Variants in LRP1 observed in about 807,000 individuals in gnomAD.
The protein encoded by LRP1 is prolow-density lipoprotein receptor-related protein 1.
In LRP1, 51 loss-of-function variants were observed where a neutral mutation model predicts 541.5. The ratio of observed to expected loss-of-function variants is 0.09; its 90% confidence interval spans 0.08 to 0.12. The LOEUF is 0.12. Among genes scored for constraint, LRP1 ranks in the 10% least tolerant of loss-of-function variants. The pLI, the probability that LRP1 is intolerant of heterozygous loss-of-function variation, is 1.00. For synonymous variants in LRP1, 2,219 were observed against 2,470.8 expected, an observed-to-expected ratio of 0.90 and a Z score of 3.02; for missense variants, 3,878 against 6,376.2, an observed-to-expected ratio of 0.61 and a Z score of 13.34.
intron 1 of LRP1, among the ~76,000 whole-genome samples, chr12:57,130,612 G>T (rs558629452): frequency 1.3e-5 from 2 of 151,986 alleles, no homozygotes; most frequent in East Asian, 3.9e-4. Flanking sequence ...CTTCTGGGAG[G>T]AATAGAAAAA....
Position 57,212,485 on chromosome 12 carries a change from C to T in LRP1, c.13565C>T (p.Ala4522Val). 2 of 1,614,066 alleles carry T rather than the reference C, an allele frequency of 1.2e-6. No individual in the cohort carries two copies. Among genetic ancestry groups the T allele is most frequent in the Non-Finnish European group, 1.7e-6 (2 of 1,179,984 alleles). Residue 4522 changes from alanine to valine, a missense_variant, in exon 89 of 89, where the codon GCC (alanine) becomes GTC (valine). Coordinates refer to ENST00000243077, the MANE Select transcript of LRP1 (RefSeq NM_002332.3). This position sits in a 1 kb window ranked among gnomAD's most constrained non-coding sequence, Gnocchi z 5.0. ...GGCCATGGCAGTCGCCACTCCCTGG[C>T]CAGCACGGACGAGAAGCGAGAACTC... ...MGGHGSRHSLASTDEKRELLG... is the reference protein window; with the variant it reads ...MGGHGSRHSLVSTDEKRELLG...
intron 6 of LRP1, among the ~76,000 whole-genome samples, chr12:57,151,573 C>T (rs1227935848): frequency 1.3e-5 from 2 of 152,368 alleles, no homozygotes; most frequent in Middle Eastern, 3.4e-3. Context: ...GGGGACGGCT[C>T]CCCTCAGGGT....
Position 57,211,189 on chromosome 12 carries a change from C to T in LRP1, c.12930C>T (p.Gly4310=). Residue 4310 remains glycine (G), a synonymous_variant, in exon 84 of 89, where the codon GGC becomes GGT. Transcript: ENST00000243077. This position sits in a 1 kb window ranked among gnomAD's most constrained non-coding sequence, Gnocchi z 4.3. ...CCCCAACCACAGGGCAGTGCTCTGG[C>T]TACTGTGAGAACTTTGGCACATGCC... ...GDRCQYRQCS[G]YCENFGTCQM... 6.2e-7 allele frequency: 1 copy of T among 1,614,210 alleles called. No homozygotes were observed.
rs370217673 is a variant in LRP1 at position 57,208,738 on chromosome 12, C to A, written c.12066C>A (p.Asn4022Lys). The A allele has an allele frequency of 6.2e-7, 1 of 1,613,694 alleles. No homozygotes were observed. Among genetic ancestry groups the A allele is most frequent in the African/African-American group, 1.3e-5 (1 of 74,916 alleles). ...CCATGTACTGGTCAGACTGGGGCAA[C>A]CACCCCAAGATTGAGACGGCAGCGA... ...RGTMYWSDWG[N>K]HPKIETAAMD... Residue 4022 changes from asparagine to lysine, a missense_variant, in exon 78 of 89, where the codon AAC (asparagine) becomes AAA (lysine). Physicochemically the swap from Asn to Lys is moderately conservative, Grantham distance 94. This residue lies in a region of LRP1 where 871 missense variants were observed against 1,212.4 expected (regional missense o/e 0.72). Coordinates refer to ENST00000243077, the MANE Select transcript of LRP1 (RefSeq NM_002332.3).
At chr12:57,166,721 T>G (rs970682511) in intron 17 of LRP1, among the ~76,000 whole-genome samples, 4 of 151,976 alleles carry the variant, frequency 2.6e-5, no homozygotes, top group Admixed American at 6.6e-5. Flanking sequence ...CAAGGCAGGG[T>G]AGATCTCCTC....
chr12:57,209,407 C>G (rs2036858635), intron 79 of LRP1, among the ~76,000 whole-genome samples: 1 of 152,222 alleles, frequency 6.6e-6, no homozygotes, highest in East Asian at 1.9e-4. Context: ...GCCTACTTGT[C>G]CATTCATTGG....
chr12:57,160,883 C>T lies in LRP1; in HGVS notation c.1980-10C>T. On this transcript the variant is annotated splice_polypyrimidine_tract_variant and intron_variant, in intron 12 of 88. Coordinates refer to ENST00000243077, the MANE Select transcript of LRP1 (RefSeq NM_002332.3). ...GTGCCCAGGTGATGCTGACCAGTCGCTGCCCACAGGTGGATGTACTGGACA... is the reference window on the plus strand; with the variant it reads ...GTGCCCAGGTGATGCTGACCAGTCGTTGCCCACAGGTGGATGTACTGGACA... 1.2e-6 allele frequency: 2 copies of T among 1,610,934 alleles called. No homozygotes were observed. Among genetic ancestry groups the T allele is most frequent in the Admixed American group, 1.7e-5 (1 of 59,962 alleles).
chr12:57,148,958 C>A, intron 6 of LRP1: 1 of 605,474 alleles, frequency 1.7e-6, no homozygotes, highest in Non-Finnish European at 3.0e-6. Context: ...CTCTCCCTTT[C>A]TTTTATTTAT....
chr12:57,177,670 G>A lies in LRP1; in HGVS notation c.4361+79G>A. On this transcript the variant is annotated intron_variant, in intron 26 of 88. Coordinates refer to ENST00000243077, the MANE Select transcript of LRP1 (RefSeq NM_002332.3). This position sits in a 1 kb window ranked among gnomAD's most constrained non-coding sequence, Gnocchi z 6.8. The stretch of plus-strand genomic sequence containing the variant: ...TGGGGAGGAACCTGTGGTGATGAGG[G>A]TGATGAGAAGGACCAAGGGATCTAG... 1 of 1,492,656 alleles carries A rather than the reference G, an allele frequency of 6.7e-7. No homozygotes were observed. The highest frequency in any genetic ancestry group is 9.2e-7 in the Non-Finnish European group (1 of 1,089,748). The allele number at this position is 1,492,656 out of a possible 1,614,324, so 92.5% of individuals were successfully genotyped here. A position where few individuals can be genotyped will look rare whatever the true frequency, so the allele number is the denominator to read the frequency against.
chr12:57,133,841 C>G (rs1434486406), intron 1 of LRP1, among the ~76,000 whole-genome samples: 1 of 152,062 alleles, frequency 6.6e-6, no homozygotes, highest in Non-Finnish European at 1.5e-5. Context: ...CCTCTAAGGT[C>G]TTAGCTCTCT....
In LRP1 at chr12:57,187,274, C is replaced by A. The variant is rs1180487707; in HGVS notation, c.6849C>A (p.Gly2283=). 1.2e-6 allele frequency: 2 copies of A among 1,612,606 alleles called. No homozygotes were observed. The highest frequency in any genetic ancestry group is 1.7e-6 in the Non-Finnish European group (2 of 1,179,150). ...SRRITIVENV[G]SVEGLAYHRG... is the part of the protein sequence containing the mutation. ...GCTCCTGTCTCTTCACAGACGTGGGCTCCGTGGAAGGCCTGGCCTATCACC... is the reference window on the plus strand; with the variant it reads ...GCTCCTGTCTCTTCACAGACGTGGGATCCGTGGAAGGCCTGGCCTATCACC... Residue 2283 remains glycine (G), a synonymous_variant, in exon 42 of 89, where the codon GGC becomes GGA. Coordinates refer to ENST00000243077, the MANE Select transcript of LRP1 (RefSeq NM_002332.3).
chr12:57,211,345 C>T lies in LRP1; in HGVS notation c.13086C>T (p.Thr4362=). Residue 4362 remains threonine, a synonymous_variant, in exon 84 of 89, where the codon ACC becomes ACT. Transcript: ENST00000243077. The surrounding 1 kb of genome is among the most constrained non-coding windows in gnomAD (Gnocchi z 4.3). ...TCAACAAGCAGAGTGGGGATGTCAC[C>T]TGCAAGTGAGTGGGGCCCTCCTCCA... ...CVVNKQSGDV[T]CNCTDGRVAP... is the part of the protein sequence containing the mutation. 6.2e-7 allele frequency: 1 copy of T among 1,613,860 alleles called. No individual in the cohort carries two copies. The highest frequency in any genetic ancestry group is 8.5e-7 in the Non-Finnish European group (1 of 1,179,990).
In LRP1 at chr12:57,129,046, G is replaced by C. The variant is rs754944427; in HGVS notation, c.67+15G>C. On this transcript the variant is annotated intron_variant, in intron 1 of 88. Coordinates refer to ENST00000243077, the MANE Select transcript of LRP1 (RefSeq NM_002332.3). ...GGCTATCGACGGTGAGTGAGATTCC[G>C]CGTCCCCCTTGGACCCCTGGGGGCA... The C allele has an allele frequency of 6.4e-7, 1 of 1,551,200 alleles. No individual in the cohort carries two copies. The highest frequency in any genetic ancestry group is 2.4e-5 in the East Asian group (1 of 40,888).
chr12:57,193,048 C>A, intron 45 of LRP1, 78 bp downstream of exon 45: 1 of 1,585,920 alleles, frequency 6.3e-7, no homozygotes. Context: ...CCTACATGCT[C>A]CAGCCCAGCC....
Position 57,156,245 on chromosome 12 carries a change from G to C in LRP1, c.1379G>C (p.Gly460Ala), listed in dbSNP as rs1448453173. 6.2e-7 allele frequency: 1 copy of C among 1,614,150 alleles called. No homozygotes were observed. Among genetic ancestry groups the C allele is most frequent in the Admixed American group, 1.7e-5 (1 of 60,028 alleles). Residue 460 changes from glycine (G) to alanine (A), a missense_variant, in exon 9 of 89, where the codon GGT (glycine) becomes GCT (alanine). By Grantham distance (60) the Gly-to-Ala change is moderately conservative (BLOSUM62 0). Coordinates refer to ENST00000243077, the MANE Select transcript of LRP1 (RefSeq NM_002332.3). This position sits in a 1 kb window ranked among gnomAD's most constrained non-coding sequence, Gnocchi z 5.2. ...GTTGTCACCCGGGTGGACAAGGGTGGTGCCCTCCACATCTACCACCAGAGG... is the reference window on the plus strand; with the variant it reads ...GTTGTCACCCGGGTGGACAAGGGTGCTGCCCTCCACATCTACCACCAGAGG... ...YQVVTRVDKG[G>A]ALHIYHQRRQ... is the part of the protein sequence containing the mutation.
intron 1 of LRP1, among the ~76,000 whole-genome samples, chr12:57,133,875 G>A (rs2035094301): frequency 6.6e-6 from 1 of 152,034 alleles, no homozygotes; most frequent in East Asian, 1.9e-4. Flanking sequence ...TCCCTCAAGG[G>A]GGTATCAAAG....
chr12:57,202,390 C>G (rs1460511189), intron 67 of LRP1, 31 bp from the exon 68 acceptor site: 2 of 1,523,080 alleles, frequency 1.3e-6, no homozygotes, highest in Non-Finnish European at 1.8e-6. Flanking sequence ...CCAGCCCTTT[C>G]CCTGACTGCC....
In LRP1 at chr12:57,175,946, T is replaced by C. The variant is rs747495484; in HGVS notation, c.3831T>C (p.His1277=). 2.5e-6 allele frequency: 4 copies of C among 1,614,084 alleles called. No homozygotes were observed. In the Admixed American group the frequency reaches 5.0e-5, roughly 20 times the overall value. ...FKPFIIFSNR[H]EIRRIDLHKG... The stretch of plus-strand genomic sequence containing the variant: ...CGTTCATCATTTTCTCCAACCGCCA[T>C]GAAATCCGGCGCATCGATCTTCACA... Residue 1277 remains histidine, a synonymous_variant, in exon 24 of 89, where the codon CAT becomes CAC. Transcript: ENST00000243077.
intron 22 of LRP1, among the ~76,000 whole-genome samples, chr12:57,174,491 G>A (rs1163811115): frequency 2.6e-5 from 4 of 152,166 alleles, no homozygotes; most frequent in Non-Finnish European, 5.9e-5. Context: ...GAGAAGGCAT[G>A]GGGGCAGGCG....
Sources: gnomAD v4.1 joint callset for allele counts (sites outside exome capture counted in the v4.1 genomes callset) on GRCh38, gnomAD v4.1.1 for gene constraint, gnomAD v4.1.1 regional missense constraint, Gnocchi (gnomAD v3.1) non-coding constraint, MANE v1.5 for transcripts, NCBI Gene and HGNC (gene_info 2026-07-23, HGNC 2026-07-21) for gene names.